The following EHD2 variants were observed in gnomAD, a reference collection of about 807,000 sequenced individuals.
The protein encoded by EHD2 is EH domain-containing protein 2.
Under a neutral mutation model 41.0 loss-of-function variants are expected in EHD2, and 27 were observed. The observed-to-expected ratio is 0.66, with a 90% CI of 0.49 to 0.91. The LOEUF (loss-of-function observed/expected upper bound fraction) is 0.91, where lower values mean the gene tolerates loss of function less well. Among genes scored for constraint, EHD2 ranks in the 40% least tolerant of loss-of-function variants. The pLI is 0.00. For missense variants in EHD2, 673 were observed against 773.9 expected (o/e 0.87, Z 1.55); for synonymous variants, 342 against 341.0 (o/e 1.00, Z -0.03).
chr19:47,735,842 G>T (rs920807701), intron 4 of EHD2, among the ~76,000 whole-genome samples: 1 of 150,140 alleles, frequency 6.7e-6, no homozygotes, highest in Admixed American at 6.7e-5. Flanking sequence ...GGAGTTGGAG[G>T]TTGCAGCGAG....
chr19:47,723,108 C>T (rs1973714308), intron 3 of EHD2, among the ~76,000 whole-genome samples: 1 of 152,216 alleles, frequency 6.6e-6, no homozygotes, highest in Non-Finnish European at 1.5e-5. Context: ...GGGTCAGGCA[C>T]TGGCCCTGGG....
chr19:47,721,524 C>G (rs1973696934), intron 3 of EHD2, among the ~76,000 whole-genome samples: 1 of 151,802 alleles, frequency 6.6e-6, no homozygotes, highest in Non-Finnish European at 1.5e-5. Flanking sequence ...CCGTCTTAGC[C>G]AGGCAGGTCT....
intron 4 of EHD2, among the ~76,000 whole-genome samples, chr19:47,729,837 A>G (rs1440354095): frequency 1.3e-5 from 2 of 151,622 alleles, no homozygotes; most frequent in Non-Finnish European, 2.9e-5. Flanking sequence ...TTCTGTCTCT[A>G]TGTCAGTCTC....
chr19:47,736,359 C>T lies in EHD2; in HGVS notation c.916-10C>T, dbSNP rs368915920. The stretch of plus-strand genomic sequence containing the variant: ...CCTGATGCAGGCTGAGGTGAGAACC[C>T]TTCCCACAGGTTCACGCTTACATCA... On this transcript the variant is annotated splice_polypyrimidine_tract_variant and intron_variant, in intron 4 of 5. Coordinates refer to ENST00000263277, the MANE Select transcript of EHD2 (RefSeq NM_014601.4). 2 of 1,610,160 alleles carry T rather than the reference C, an allele frequency of 1.2e-6. No homozygotes were observed. Among genetic ancestry groups the T allele is most frequent in the Non-Finnish European group, 1.7e-6 (2 of 1,178,558 alleles).
chr19:47,732,349 C>A (rs1966882381), intron 4 of EHD2: 1 of 151,888 alleles, frequency 6.6e-6, no homozygotes, highest in Non-Finnish European at 1.5e-5. Context: ...TAACTCCTGA[C>A]CTCAGGTGAT....
At chr19:47,718,329 C>T (rs1397090747) in intron 2 of EHD2, among the ~76,000 whole-genome samples, 180 bp from the exon 3 acceptor site, 2 of 148,232 alleles carry the variant, frequency 1.3e-5, no homozygotes, top group East Asian at 2.0e-4. Flanking sequence ...GCTCACTGAA[C>T]ATGAGCTGTG....
At chr19:47,739,366 C>T (rs147815980) in intron 5 of EHD2, among the ~76,000 whole-genome samples, 2,254 of 142,590 alleles carry the variant, frequency 0.016, 29 homozygotes, top group South Asian at 0.038. Context: ...TTTGGGAGGC[C>T]GAGGTGGGCA....
chr19:47,722,352 G>T (rs528323508), intron 3 of EHD2, among the ~76,000 whole-genome samples: 3 of 152,068 alleles, frequency 2.0e-5, no homozygotes, highest in African/African-American at 7.2e-5. Context: ...GGGAGGGGGG[G>T]CTCCAGTTGC....
chr19:47,733,402 G>A (rs978500433), intron 4 of EHD2, among the ~76,000 whole-genome samples: 6 of 151,864 alleles, frequency 4.0e-5, no homozygotes, highest in East Asian at 1.9e-4. Flanking sequence ...GGCCAGGCGC[G>A]GTGGTTCATG....
rs1178676082 is a variant in EHD2, at chr19:47,727,200, A to G, written c.915+976A>G. Among the ~76,000 whole-genome samples, 9 of 151,974 alleles carry G rather than the reference A, an allele frequency of 5.9e-5. 1 individual carries two copies. Among genetic ancestry groups the G allele is most frequent in the African/African-American group, 2.2e-4 (9 of 41,442 alleles). ...GCTCACCACAACCTCCGCCTCCTGA[A>G]TTCAAGCGATTCTCCTGCCTCAGCC... On this transcript the variant is annotated intron_variant, in intron 4 of 5. Coordinates refer to ENST00000263277, the MANE Select transcript of EHD2 (RefSeq NM_014601.4).
rs191641254 is a variant in EHD2, at chr19:47,725,210, C to T, written c.503-602C>T. ...TTTTTAACAACCTATATGTACATAC[C>T]GACGCACACCTGTAATAACTGCTTA... On this transcript the variant is annotated intron_variant, in intron 3 of 5. Transcript: ENST00000263277. Among the ~76,000 whole-genome samples the T allele has an allele frequency of 2.9e-3, 435 of 151,218 alleles. 3 individuals carry two copies. The highest frequency in any genetic ancestry group is 0.01 in the African/African-American group (416 of 41,222).
In EHD2 at chr19:47,741,458, T is replaced by C. The variant is rs1162692168; in HGVS notation, c.*26T>C. 1 of 1,546,474 alleles carries C rather than the reference T, an allele frequency of 6.5e-7. No homozygotes were observed. The highest frequency in any genetic ancestry group is 1.9e-5 in the Admixed American group (1 of 52,394). ...GCCGGCCCCCCTCCCATGGCCCTGCTGTGGCTCCCCAGCTCCAGTCGGCTG... is the reference window on the plus strand; with the variant it reads ...GCCGGCCCCCCTCCCATGGCCCTGCCGTGGCTCCCCAGCTCCAGTCGGCTG... On this transcript the variant is annotated 3_prime_UTR_variant, in exon 6 of 6. Transcript: ENST00000263277. The surrounding 1 kb of genome is among the most constrained non-coding windows in gnomAD (Gnocchi z 4.5).
chr19:47,734,425 C>CT (rs1197449879), intron 4 of EHD2, among the ~76,000 whole-genome samples: 1 of 152,040 alleles, frequency 6.6e-6, no homozygotes, highest in Non-Finnish European at 1.5e-5. Flanking sequence ...GATGTGGCTA[C>CT]TTAACAGGAG....
chr19:47,726,463 T>G (rs1247971026), intron 4 of EHD2: 2 of 409,606 alleles, frequency 4.9e-6, no homozygotes, highest in Non-Finnish European at 4.2e-6. Flanking sequence ...GTATTTCTAT[T>G]TCTTCTTCCT....
chr19:47,716,514 C>T, intron 1 of EHD2, 44 bp from the exon 2 acceptor site: 1 of 1,377,256 alleles, frequency 7.3e-7, no homozygotes, highest in South Asian at 1.6e-5. Flanking sequence ...TTTCTTCCTC[C>T]TTGGCTGGGC....
chr19:47,731,144 A>T (rs1599897688), intron 4 of EHD2, among the ~76,000 whole-genome samples: 1 of 150,498 alleles, frequency 6.6e-6, no homozygotes, highest in Non-Finnish European at 1.5e-5. Context: ...CATGCACTTG[A>T]TGTGTTTGAA....
chr19:47,736,443 G>T lies in EHD2; in HGVS notation c.990G>T (p.Gln330His), dbSNP rs1187290221. The change falls in exon 5 of 6, where the codon CAG (glutamine) becomes CAT (histidine). Residue 330 changes from glutamine to histidine, a missense_variant. Transcript: ENST00000263277. ...TTGGGAAGGAGAACAAGAAGAAGCA[G>T]CTGATCCTCAAACTGCCCGTCATCT... is the stretch of plus-strand genomic sequence containing the variant. ...SVFGKENKKK[Q>H]LILKLPVIFA... 6.2e-7 allele frequency: 1 copy of T among 1,613,254 alleles called. No homozygotes were observed. The highest frequency in any genetic ancestry group is 1.1e-5 in the South Asian group (1 of 90,816).
At position 47,741,069 on chromosome 19, in the gene EHD2, G is replaced by A; in HGVS notation, c.1269G>A (p.Val423=). ...AGGGCACCCACATGGGCCCGTTTGT[G>A]GAGCGGGGACCTGACGAGGCCATGG... The part of the protein sequence containing the change: ...AFEGTHMGPF[V]ERGPDEAMED... The change falls in exon 6 of 6, where the codon GTG becomes GTA. Residue 423 remains valine (V), a synonymous_variant. Coordinates refer to ENST00000263277, the MANE Select transcript of EHD2 (RefSeq NM_014601.4). This position sits in a 1 kb window ranked among gnomAD's most constrained non-coding sequence, Gnocchi z 4.5. The A allele has an allele frequency of 6.2e-7, 1 of 1,609,526 alleles. No homozygotes were observed. Among genetic ancestry groups the A allele is most frequent in the African/African-American group, 1.3e-5 (1 of 75,030 alleles).
chr19:47,725,090 A>G (rs1973736248), intron 3 of EHD2, among the ~76,000 whole-genome samples: 1 of 150,912 alleles, frequency 6.6e-6, no homozygotes, highest in Non-Finnish European at 1.5e-5. Context: ...GGGAGATACA[A>G]CAGGTCCTGG....
Sources: gnomAD v4.1 joint callset for allele counts (sites outside exome capture counted in the v4.1 genomes callset) on GRCh38, gnomAD v4.1.1 for gene constraint, Gnocchi (gnomAD v3.1) non-coding constraint, MANE v1.5 for transcripts, NCBI Gene and HGNC (gene_info 2026-07-23, HGNC 2026-07-21) for gene names.